MAPKAPK5: variants seen among roughly 807,000 people sequenced by gnomAD.
MAPKAPK5 encodes MAPK activated protein kinase 5.
MAPKAPK5 carries 30 observed loss-of-function variants against 65.1 expected under a neutral mutation model. The observed-to-expected ratio is 0.46, with a 90% CI of 0.34 to 0.63. The LOEUF (loss-of-function observed/expected upper bound fraction) is 0.63. Among genes scored for constraint, MAPKAPK5 ranks in the 20% least tolerant of loss-of-function variants. The probability of loss-of-function intolerance (pLI) is 0.01; values close to 1 mark genes in which losing one functional copy is unlikely to be tolerated. For synonymous variants in MAPKAPK5, 179 were observed against 204.6 expected, an observed-to-expected ratio of 0.87 and a Z score of 1.07; for missense variants, 433 against 581.4, an observed-to-expected ratio of 0.74 and a Z score of 2.63.
At chr12:111,881,361 A>C (rs1593173895) in intron 8 of MAPKAPK5, among the ~76,000 whole-genome samples, 1 of 145,876 alleles carries the variant, frequency 6.9e-6, no homozygotes, top group Non-Finnish European at 1.5e-5. Context: ...GGCGTGAGCC[A>C]CCGCACCCAG....
chr12:111,886,101 C>A lies in MAPKAPK5; in HGVS notation c.969+65C>A, dbSNP rs971480992. The A allele has an allele frequency of 3.7e-5, 60 of 1,610,902 alleles. No homozygotes were observed. The African/African-American group carries it at 7.7e-4, about 21-fold the overall frequency. ...GTTGGGAAGGAATGCTGGGGCTTGG[C>A]TCAGTGAGGGGTTAGAGGCAAAACA... On this transcript the variant is annotated intron_variant, in intron 10 of 13. Coordinates refer to ENST00000550735, the MANE Select transcript of MAPKAPK5 (RefSeq NM_003668.4).
At chr12:111,868,252 G>A (rs2069673536) in intron 4 of MAPKAPK5, among the ~76,000 whole-genome samples, 1 of 152,172 alleles carries the variant, frequency 6.6e-6, no homozygotes, top group Admixed American at 6.5e-5. Flanking sequence ...GGAAGACTGA[G>A]ATGTAAACCC....
Position 111,899,821 on chromosome 12 carries a change from T to C in MAPKAPK5, c.*6760T>C. 1 of 434,478 alleles carries C rather than the reference T, an allele frequency of 2.3e-6. No individual in the cohort carries two copies. The highest frequency in any genetic ancestry group is 4.7e-6 in the Non-Finnish European group (1 of 211,502). The allele number at this position is 434,478 out of a possible 1,614,324, so 26.9% of individuals were successfully genotyped here. A position where few individuals can be genotyped will look rare whatever the true frequency, so the allele number is the denominator to read the frequency against. Reference sequence around the variant, plus strand: ...CTTACAGCATTGAGCCCATGGACTCTTCAAGACGGTTTGAACATGTGTTAT... The same window carrying C: ...CTTACAGCATTGAGCCCATGGACTCCTCAAGACGGTTTGAACATGTGTTAT... On this transcript the variant is annotated 3_prime_UTR_variant, in exon 14 of 14. Transcript: ENST00000550735.
chr12:111,846,403 GT>G (rs2136060444), intron 1 of MAPKAPK5, among the ~76,000 whole-genome samples: 1 of 152,156 alleles, frequency 6.6e-6, no homozygotes, highest in East Asian at 1.9e-4. Flanking sequence ...CTTATCCACG[GT>G]TTTGCTTTCC....
chr12:111,866,292 A>G, intron 3 of MAPKAPK5, 61 bp downstream of exon 3: 2 of 1,454,220 alleles, frequency 1.4e-6, no homozygotes, highest in Non-Finnish European at 1.9e-6. Context: ...GTTCTTTTGC[A>G]AGTAAGGCAG....
In MAPKAPK5 at chr12:111,891,088, G is replaced by GT. The variant is rs1001001377; in HGVS notation, c.1321+950dup. ...GTTTCCGCGTTTTTTTGTTGTTGTT[G>GT]TTTTTTGTTTTGTTTTGTTTTTTGA... On this transcript the variant is annotated intron_variant, in intron 13 of 13. Coordinates refer to ENST00000550735, the MANE Select transcript of MAPKAPK5 (RefSeq NM_003668.4). 3.3e-5 allele frequency among the ~76,000 whole-genome samples: 5 copies of GT among 151,796 alleles called. No homozygotes were observed. The South Asian group carries it at 1.0e-3, about 32-fold the overall frequency.
At chr12:111,847,328 A>G (rs1014707410) in intron 1 of MAPKAPK5, among the ~76,000 whole-genome samples, 11 of 146,082 alleles carry the variant, frequency 7.5e-5, no homozygotes, top group African/African-American at 2.9e-4. Context: ...AGCCTGGGCG[A>G]CAGGGTGAGA....
rs765300705 is a variant in MAPKAPK5, at chr12:111,896,765, T to TA, written c.*3711dup. On this transcript the variant is annotated 3_prime_UTR_variant, in exon 14 of 14. Transcript: ENST00000550735. ...AGTTATAAAAGTCAGCTTGATGTAG[T>TA]AAAAAAACTTGTCTCTCTCTGACTA... The TA allele has an allele frequency of 7.2e-5, 11 of 152,254 alleles. No homozygotes were observed. The East Asian group carries it at 1.5e-3, about 21-fold the overall frequency. 9.4% of individuals were successfully genotyped at this position (152,254 alleles called of 1,614,324 possible).
rs1275760143 is a variant in MAPKAPK5 at position 111,901,240 on chromosome 12, T to A, written c.*8179T>A. ...TCCGCCTGCACAGATAAAACCCCAGTGATTTCTGCCTGCAACCCAGAAAAA... is the reference window on the plus strand; with the variant it reads ...TCCGCCTGCACAGATAAAACCCCAGAGATTTCTGCCTGCAACCCAGAAAAA... On this transcript the variant is annotated 3_prime_UTR_variant, in exon 14 of 14. Transcript: ENST00000550735. The A allele has an allele frequency of 2.2e-6, 1 of 456,044 alleles. No homozygotes were observed. Among genetic ancestry groups the A allele is most frequent in the Non-Finnish European group, 4.4e-6 (1 of 226,776 alleles). The allele number at this position is 456,044 out of a possible 1,614,324, so 28.2% of individuals were successfully genotyped here.
chr12:111,845,742 C>T (rs11066044), intron 1 of MAPKAPK5, among the ~76,000 whole-genome samples: 29,503 of 151,570 alleles, frequency 0.19, 3,037 homozygotes, highest in Middle Eastern at 0.27. Context: ...GCCAACATGG[C>T]GAGACCCCCG....
intron 13 of MAPKAPK5, among the ~76,000 whole-genome samples, chr12:111,891,637 CAAAAAAA>C (rs78504500): frequency 5.3e-4 from 46 of 86,218 alleles, no homozygotes; most frequent in African/African-American, 1.1e-3. Context: ...ACTAAAAATA[CAAAAAAA>C]AAAAAAAAAA....
At position 111,885,928 on chromosome 12, in the gene MAPKAPK5, C is replaced by A. The variant is rs1404534495; in HGVS notation, c.861C>A (p.Val287=). The change falls in exon 10 of 14, where the codon GTC becomes GTA. Residue 287 remains valine (V), a synonymous_variant. Coordinates refer to ENST00000550735, the MANE Select transcript of MAPKAPK5 (RefSeq NM_003668.4). ...GTTTTCTCCACAGGCTCCTGAAGGT[C>A]AAACCGGAGGAGAGACTCACCATCG... ...AKDVVRKLLK[V]KPEERLTIEG... The A allele has an allele frequency of 6.2e-7, 1 of 1,613,938 alleles. No homozygotes were observed.
chr12:111,889,984 TA>T, intron 12 of MAPKAPK5, 55 bp from the exon 13 acceptor site: 2 of 1,139,072 alleles, frequency 1.8e-6, no homozygotes, highest in Non-Finnish European at 2.6e-6. Context: ...TCTCTCACAC[TA>T]AAACCCCATG....
At chr12:111,881,540 G>C (rs910558567) in intron 8 of MAPKAPK5, among the ~76,000 whole-genome samples, 4 of 151,948 alleles carry the variant, frequency 2.6e-5, no homozygotes, top group African/African-American at 9.7e-5. Context: ...AAGTAGCTGG[G>C]ATTACAGGCG....
intron 6 of MAPKAPK5, among the ~76,000 whole-genome samples, chr12:111,870,769 C>T (rs1485035593): frequency 6.6e-6 from 1 of 152,104 alleles, no homozygotes; most frequent in African/African-American, 2.4e-5. Flanking sequence ...AGTAGCATCC[C>T]AGATTGATGA....
At chr12:111,866,783 G>A (rs2069628936) in intron 3 of MAPKAPK5, among the ~76,000 whole-genome samples, 2 of 152,124 alleles carry the variant, frequency 1.3e-5, no homozygotes. Context: ...TGTATTTTTA[G>A]TAGAGACAGG....
At chr12:111,850,770 TC>T (rs1487971989) in intron 1 of MAPKAPK5, among the ~76,000 whole-genome samples, 1 of 152,168 alleles carries the variant, frequency 6.6e-6, no homozygotes, top group Non-Finnish European at 1.5e-5. Context: ...GTAAACACAG[TC>T]AAGTTTATGA....
intron 7 of MAPKAPK5, among the ~76,000 whole-genome samples, chr12:111,872,169 T>A (rs2069805007): frequency 6.6e-6 from 1 of 152,160 alleles, no homozygotes; most frequent in African/African-American, 2.4e-5. Context: ...GGGGACATGT[T>A]CCCCCATGCC....
rs994676575 is a variant in MAPKAPK5 at position 111,895,050 on chromosome 12, T to C, written c.*1989T>C. 6.6e-6 allele frequency: 1 copy of C among 150,888 alleles called. No individual in the cohort carries two copies. The highest frequency in any genetic ancestry group is 1.5e-5 in the Non-Finnish European group (1 of 67,740). The allele number at this position is 150,888 out of a possible 1,614,324, so 9.3% of individuals were successfully genotyped here. On this transcript the variant is annotated 3_prime_UTR_variant, in exon 14 of 14. Transcript: ENST00000550735. ...TGTGACTGCCTGTGGGAATAGATGA[T>C]AAAAAACAAGTGTCTTAAGAATTAC...
Sources: gnomAD v4.1 joint callset for allele counts (sites outside exome capture counted in the v4.1 genomes callset) on GRCh38, gnomAD v4.1.1 for gene constraint, MANE v1.5 for transcripts, NCBI Gene and HGNC (gene_info 2026-07-23, HGNC 2026-07-21) for gene names.